The following C8G variants were observed in gnomAD, a reference collection of about 807,000 sequenced individuals.
C8G encodes the protein complement C8 gamma chain, also known as complement component C8 gamma chain.
In C8G, 38 loss-of-function variants were observed where a neutral mutation model predicts 29.1. The ratio of observed to expected loss-of-function variants is 1.31; its 90% CI spans 1.01 to 1.71. The LOEUF (loss-of-function observed/expected upper bound fraction) is 1.71. Among genes scored for constraint, C8G ranks in the 40% most tolerant of loss-of-function variants. The pLI, the probability that C8G is intolerant of heterozygous loss-of-function variation, is 0.00. For synonymous variants in C8G, 158 were observed against 113.2 expected, an observed-to-expected ratio of 1.40 and a Z score of -2.51; for missense variants, 300 against 267.4, an observed-to-expected ratio of 1.12 and a Z score of -0.85.
In C8G at chr9:136,946,673, G is replaced by A; in HGVS notation, c.579G>A (p.Gln193=). 3 of 1,612,902 alleles carry A rather than the reference G, an allele frequency of 1.9e-6. No individual in the cohort carries two copies. Among genetic ancestry groups the A allele is most frequent in the Middle Eastern group, 1.7e-4 (1 of 6,060 alleles). ...PKYGFCEAAD[Q]FHVLDEVRR ...CAGGCTTCTGCGAGGCTGCAGACCA[G>A]TTCCACGTCCTGGACGGTGAGTGCA... Residue 193 remains glutamine (Q), a synonymous_variant, in exon 6 of 7, where the codon CAG becomes CAA. Transcript: ENST00000371634.
intron 4 of C8G, 26 bp from the exon 5 acceptor site, chr9:136,946,439 C>T (rs1366842360): frequency 1.3e-6 from 2 of 1,564,564 alleles, no homozygotes; most frequent in East Asian, 2.3e-5. Flanking sequence ...GGTGCCAGGA[C>T]CCCAGGAACC....
chr9:136,946,771 T>C lies in C8G; in HGVS notation c.599T>C (p.Val200Ala). ...CTGAGTCTCGTCTCTGCTGCAGAAG[T>C]GAGGAGGTGAGGCCGGCACACAGCT... ...AADQFHVLDE[V>A]RR The change falls in exon 7 of 7, where the codon GTG (valine) becomes GCG (alanine). Residue 200 changes from valine to alanine, a missense_variant. Val to Ala is a moderately conservative substitution (Grantham distance 64). Transcript: ENST00000371634. 2 of 1,594,784 alleles carry C rather than the reference T, an allele frequency of 1.3e-6. No homozygotes were observed. Among genetic ancestry groups the C allele is most frequent in the African/African-American group, 1.3e-5 (1 of 74,692 alleles).
chr9:136,945,583 G>T (rs1486840650), intron 1 of C8G, 51 bp from the exon 2 acceptor site: 1 of 1,591,040 alleles, frequency 6.3e-7, no homozygotes, highest in Non-Finnish European at 8.6e-7. Context: ...AGGGAAGCAG[G>T]TGAGGGGCCC....
intron 2 of C8G, 42 bp from the exon 3 acceptor site, chr9:136,945,887 T>C (rs2131367192): frequency 6.5e-7 from 1 of 1,548,192 alleles, no homozygotes; most frequent in Non-Finnish European, 8.7e-7. Context: ...GATTCCTGGT[T>C]GGGGTCTCCC....
In C8G at chr9:136,946,132, T is replaced by C; in HGVS notation, c.394T>C (p.Tyr132His). Residue 132 changes from tyrosine to histidine, a missense_variant, in exon 4 of 7, where the codon TAC (tyrosine) becomes CAC (histidine). By Grantham distance (83) the Tyr-to-His change is moderately conservative. Coordinates refer to ENST00000371634, the MANE Select transcript of C8G (RefSeq NM_000606.3). ...AVHVVVAETD[Y>H]QSFAVLYLER... ...GCACGTGGTTGTCGCTGAGACCGAC[T>C]ACCAGAGTTTCGCTGTCCTGTACCT... The C allele has an allele frequency of 6.3e-7, 1 of 1,585,228 alleles. No individual in the cohort carries two copies. Among genetic ancestry groups the C allele is most frequent in the Non-Finnish European group, 8.6e-7 (1 of 1,162,658 alleles).
Position 136,945,711 on chromosome 9 carries a change from C to T in C8G, c.216C>T (p.Ala72=), listed in dbSNP as rs374840785. The part of the protein sequence containing the change: ...FLQEQGHRAE[A]TTLHVAPQGT... ...AGGAGCAGGGCCACCGGGCCGAGGC[C>T]ACCACACTGCATGTGGCTCCCCAGG... The change falls in exon 2 of 7, where the codon GCC becomes GCT. Residue 72 remains alanine, a synonymous_variant. Transcript: ENST00000371634. 6.3e-7 allele frequency: 1 copy of T among 1,588,176 alleles called. No individual in the cohort carries two copies.
chr9:136,945,538 GGA>G (rs1851006002), intron 1 of C8G, 80 bp downstream of exon 1: 54 of 1,547,014 alleles, frequency 3.5e-5, no homozygotes, highest in Non-Finnish European at 8.8e-7. Context: ...TTGTTGCGGG[GGA>G]GAGGGAAGCA....
rs749031653 is a variant in C8G at position 136,946,693 on chromosome 9, A to C, written c.595+4A>C. ...GACCAGTTCCACGTCCTGGACGGTGAGTGCACAGCGGGGCAAGCATGGCGG... is the reference window on the plus strand; with the variant it reads ...GACCAGTTCCACGTCCTGGACGGTGCGTGCACAGCGGGGCAAGCATGGCGG... On this transcript the variant is annotated splice_donor_region_variant and intron_variant, in intron 6 of 6. Coordinates refer to ENST00000371634, the MANE Select transcript of C8G (RefSeq NM_000606.3). The C allele has an allele frequency of 6.2e-7, 1 of 1,612,186 alleles. No individual in the cohort carries two copies. Among genetic ancestry groups the C allele is most frequent in the Admixed American group, 1.7e-5 (1 of 60,000 alleles).
intron 4 of C8G, 62 bp downstream of exon 4, chr9:136,946,254 AC>A: frequency 6.9e-7 from 1 of 1,440,690 alleles, no homozygotes; most frequent in Non-Finnish European, 9.5e-7. Context: ...TCACTGGGCC[AC>A]CCCGAGGGGC....
At position 136,945,744 on chromosome 9, in the gene C8G, C is replaced by T. The variant is rs778161762; in HGVS notation, c.249C>T (p.Ala83=). The change falls in exon 2 of 7, where the codon GCC becomes GCT. Residue 83 remains alanine, a synonymous_variant. Coordinates refer to ENST00000371634, the MANE Select transcript of C8G (RefSeq NM_000606.3). ...TGCATGTGGCTCCCCAGGGCACAGCCATGGCTGTCAGTACCTTCCGAAAGC... is the reference window on the plus strand; with the variant it reads ...TGCATGTGGCTCCCCAGGGCACAGCTATGGCTGTCAGTACCTTCCGAAAGC... The part of the protein sequence containing the change: ...TTLHVAPQGT[A]MAVSTFRKLD... The T allele has an allele frequency of 4.6e-5, 72 of 1,565,178 alleles. No individual in the cohort carries two copies. Among genetic ancestry groups the T allele is most frequent in the East Asian group, 7.1e-5 (3 of 42,468 alleles).
chr9:136,946,447 A>C lies in C8G; in HGVS notation c.455-18A>C, dbSNP rs1385290973. 2 of 1,575,546 alleles carry C rather than the reference A, an allele frequency of 1.3e-6. No individual in the cohort carries two copies. The highest frequency in any genetic ancestry group is 1.7e-6 in the Non-Finnish European group (2 of 1,160,066). Reference sequence around the variant, plus strand: ...GCCGCCTGGTGCCAGGACCCCAGGAACCCTGTCTGCCCTGCAGCCCGCTCG... The same window carrying C: ...GCCGCCTGGTGCCAGGACCCCAGGACCCCTGTCTGCCCTGCAGCCCGCTCG... On this transcript the variant is annotated intron_variant, in intron 4 of 6. Coordinates refer to ENST00000371634, the MANE Select transcript of C8G (RefSeq NM_000606.3).
rs570588605 is a variant in C8G at position 136,946,088 on chromosome 9, G to A, written c.350G>A (p.Arg117Gln). 2.1e-5 allele frequency: 34 copies of A among 1,605,774 alleles called. No homozygotes were observed. The African/African-American group carries it at 3.1e-4, about 15-fold the overall frequency. ...GGCTACTGTGGCTCTGCCCCAGCCCGAGACGCCCGAGGGGCTGTGCACGTG... is the reference window on the plus strand; with the variant it reads ...GGCTACTGTGGCTCTGCCCCAGCCCAAGACGCCCGAGGGGCTGTGCACGTG... ...GVLGRFLLQA[R>Q]DARGAVHVVV... Residue 117 changes from arginine to glutamine, a missense_variant, in exon 4 of 7, where the codon CGA becomes CAA. By Grantham distance (43) the Arg-to-Gln change is conservative (BLOSUM62 1). Coordinates refer to ENST00000371634, the MANE Select transcript of C8G (RefSeq NM_000606.3).
Position 136,946,147 on chromosome 9 carries a change from G to C in C8G, c.409G>C (p.Val137Leu), listed in dbSNP as rs959233018. The part of the protein sequence containing the change: ...VAETDYQSFA[V>L]LYLERAGQLS... ...TGAGACCGACTACCAGAGTTTCGCTGTCCTGTACCTGGAGCGGGCGGGGCA... is the reference window on the plus strand; with the variant it reads ...TGAGACCGACTACCAGAGTTTCGCTCTCCTGTACCTGGAGCGGGCGGGGCA... Residue 137 changes from valine (V) to leucine (L), a missense_variant, in exon 4 of 7, where the codon GTC becomes CTC. Val to Leu is a conservative substitution (Grantham distance 32). Transcript: ENST00000371634. 3 of 1,580,968 alleles carry C rather than the reference G, an allele frequency of 1.9e-6. No homozygotes were observed. Among genetic ancestry groups the C allele is most frequent in the African/African-American group, 2.7e-5 (2 of 74,140 alleles).
At chr9:136,946,321 C>T (rs1175882796) in intron 4 of C8G, 129 bp downstream of exon 4, 4 of 1,370,502 alleles carry the variant, frequency 2.9e-6, no homozygotes, top group East Asian at 4.9e-5. Context: ...TCCTGCTAAG[C>T]AGGGGCCCAG....
At position 136,945,344 on chromosome 9, in the gene C8G, C is replaced by T. The variant is rs1366973801; in HGVS notation, c.24C>T (p.Thr8=). The T allele has an allele frequency of 1.2e-6, 2 of 1,612,648 alleles. No homozygotes were observed. The highest frequency in any genetic ancestry group is 3.3e-5 in the Admixed American group (2 of 60,000). The change falls in exon 1 of 7, where the codon ACC becomes ACT. Residue 8 remains threonine (T), a synonymous_variant. Coordinates refer to ENST00000371634, the MANE Select transcript of C8G (RefSeq NM_000606.3). The stretch of plus-strand genomic sequence containing the variant: ...CCATGCTGCCCCCTGGGACTGCGAC[C>T]CTCTTGACTCTGCTCCTGGCAGCTG... MLPPGTA[T]LLTLLLAAGS...
intron 4 of C8G, 21 bp downstream of exon 4, chr9:136,946,213 G>A: frequency 1.3e-6 from 2 of 1,535,802 alleles, no homozygotes; most frequent in Non-Finnish European, 1.8e-6. Flanking sequence ...GCCAGCCTCT[G>A]TGACCAGGCA....
At chr9:136,946,284 C>T (rs980002647) in intron 4 of C8G, 92 bp downstream of exon 4, 2 of 1,366,776 alleles carry the variant, frequency 1.5e-6, no homozygotes, top group Admixed American at 4.9e-5. Flanking sequence ...CCCATGGGGA[C>T]ACACTTCCTT....
intron 6 of C8G, 37 bp downstream of exon 6, chr9:136,946,726 AG>A (rs1380254888): frequency 2.5e-6 from 4 of 1,609,580 alleles, no homozygotes; most frequent in African/African-American, 1.3e-5. Context: ...CGGCGTGGTG[AG>A]GGGGGCCACT....
intron 2 of C8G, 24 bp from the exon 3 acceptor site, chr9:136,945,905 G>T: frequency 6.4e-7 from 1 of 1,551,726 alleles, no homozygotes; most frequent in South Asian, 1.2e-5. Flanking sequence ...CCCAGCCTGT[G>T]GTGCCTCCTC....
Sources: gnomAD v4.1 joint callset for allele counts on GRCh38, gnomAD v4.1.1 for gene constraint, MANE v1.5 for transcripts, NCBI Gene and HGNC (gene_info 2026-07-23, HGNC 2026-07-21) for gene names.